The following GOSR2 variants were observed in gnomAD, a reference collection of about 807,000 sequenced individuals.
GOSR2 encodes 27 kDa Golgi SNARE protein.
In GOSR2, 20 loss-of-function variants were observed where a neutral mutation model predicts 27.9. That is an observed-to-expected ratio of 0.72 (90% CI 0.50 to 1.04). GOSR2 has a LOEUF of 1.04. Among genes scored for constraint, GOSR2 ranks in the 50% least tolerant of loss-of-function variants. The probability of loss-of-function intolerance (pLI) is 0.00; values close to 1 mark genes in which losing one functional copy is unlikely to be tolerated. For missense variants in GOSR2, 261 were observed against 270.5 expected, an observed-to-expected ratio of 0.97 and a Z score of 0.25; for synonymous variants, 91 against 98.8, an observed-to-expected ratio of 0.92 and a Z score of 0.47.
At chr17:46,943,565 A>G (rs1356403346), downstream of GOSR2, among the ~76,000 whole-genome samples, 2 of 152,202 alleles carry the variant, frequency 1.3e-5, no homozygotes, top group Non-Finnish European at 2.9e-5. Flanking sequence ...TTCCTGCGGA[A>G]TGGGAGTTGC....
At chr17:46,975,715 C>A (rs1456281224), downstream of GOSR2, among the ~76,000 whole-genome samples, 1 of 152,132 alleles carries the variant, frequency 6.6e-6, no homozygotes, top group Non-Finnish European at 1.5e-5. Context: ...CCCACGTGTG[C>A]AGACTTGTAC....
At chr17:46,937,273 A>C (rs2088556472) in intron 5 of GOSR2, 1 of 152,136 alleles carries the variant, frequency 6.6e-6, no homozygotes, top group South Asian at 2.1e-4. Flanking sequence ...CCCTCTTGTA[A>C]ATATGGACTT....
intron 6 of GOSR2, among the ~76,000 whole-genome samples, chr17:46,954,736 C>T (rs971953416): frequency 5.3e-5 from 8 of 152,174 alleles, no homozygotes; most frequent in African/African-American, 1.9e-4. Context: ...TGAAGACATC[C>T]TTCACATCCC....
chr17:46,942,213 A>G (rs1414314799), downstream of GOSR2, among the ~76,000 whole-genome samples: 3 of 152,222 alleles, frequency 2.0e-5, no homozygotes, highest in Non-Finnish European at 4.4e-5. Context: ...AAGCAAAGAA[A>G]GAAACGTCAT....
intron 1 of GOSR2, among the ~76,000 whole-genome samples, chr17:46,928,341 G>C (rs1055960048): frequency 2.0e-5 from 3 of 152,168 alleles, no homozygotes; most frequent in Non-Finnish European, 4.4e-5. Context: ...TGGGGTCCTG[G>C]TTTGCATTGC....
At chr17:46,947,773 T>G (rs570566143) in intron 6 of GOSR2, among the ~76,000 whole-genome samples, 25 of 152,200 alleles carry the variant, frequency 1.6e-4, no homozygotes, top group Non-Finnish European at 2.9e-4. Flanking sequence ...AGAAATAGTT[T>G]TTTTTTCTTT....
At chr17:46,971,211 C>T (rs1227686410), downstream of GOSR2, among the ~76,000 whole-genome samples, 1 of 151,986 alleles carries the variant, frequency 6.6e-6, no homozygotes, top group Non-Finnish European at 1.5e-5. Flanking sequence ...GTGGTGGGTG[C>T]CTGTAATCTC....
chr17:46,929,484 C>T (rs548087483), intron 1 of GOSR2, 36 bp from the exon 2 acceptor site: 27 of 1,099,960 alleles, frequency 2.5e-5, no homozygotes, highest in African/African-American at 4.6e-5. Flanking sequence ...GTTGATTACT[C>T]CTGTCTCACT....
downstream of GOSR2, chr17:46,967,086 CAG>C (rs1008404099): frequency 1.2e-5 from 2 of 160,972 alleles, no homozygotes; most frequent in African/African-American, 4.8e-5. Flanking sequence ...AATACAAACA[CAG>C]GGAAGACAGT....
intron 6 of GOSR2, among the ~76,000 whole-genome samples, chr17:46,962,992 CTG>C (rs1306767390): frequency 1.3e-5 from 2 of 152,062 alleles, no homozygotes; most frequent in Non-Finnish European, 2.9e-5. Flanking sequence ...AATGAAGAAA[CTG>C]AGGCTTGGAA....
rs529781220 is a variant in GOSR2 at position 46,934,965 on chromosome 17, G to A, written c.337-64G>A. ...GGCTTGGCCTTGGCCAAAAGACAGAGCAGTGAGACCCCAGGAACTGACTGA... is the reference window on the plus strand; with the variant it reads ...GGCTTGGCCTTGGCCAAAAGACAGAACAGTGAGACCCCAGGAACTGACTGA... On this transcript the variant is annotated intron_variant, in intron 4 of 5. Transcript: ENST00000640051. 1.6e-5 allele frequency: 23 copies of A among 1,465,244 alleles called. No homozygotes were observed. The South Asian group carries it at 1.8e-4, about 12-fold the overall frequency. The allele number at this position is 1,465,244 out of a possible 1,614,324, so 90.8% of individuals were successfully genotyped here. A position where few individuals can be genotyped will look rare whatever the true frequency, so the allele number is the denominator to read the frequency against.
chr17:46,964,799 C>G (rs1231550719), intron 6 of GOSR2: 1 of 151,918 alleles, frequency 6.6e-6, no homozygotes, highest in East Asian at 1.9e-4. Flanking sequence ...ATTAAGGGCT[C>G]CAAAATTAAA....
In GOSR2 at chr17:46,938,701, A is replaced by G. The variant is rs762761146; in HGVS notation, c.580A>G (p.Ile194Val). ...KRAFQDKYFMIGGMLLTCVVM... is the reference protein window; with the variant it reads ...KRAFQDKYFMVGGMLLTCVVM... ...GGCTTTCCAGGACAAGTACTTTATG[A>G]TAGGTGGGATGCTGCTGACCTGTGT... is the stretch of plus-strand genomic sequence containing the variant. Residue 194 changes from isoleucine (I) to valine (V), a missense_variant, in exon 6 of 6, where the codon ATA (isoleucine) becomes GTA (valine). Ile to Val is a conservative substitution (Grantham distance 29, BLOSUM62 3). Coordinates refer to ENST00000640051, the MANE Select transcript of GOSR2 (RefSeq NM_004287.5). 6.2e-7 allele frequency: 1 copy of G among 1,613,650 alleles called. No individual in the cohort carries two copies. The highest frequency in any genetic ancestry group is 1.1e-5 in the South Asian group (1 of 91,012).
intron 6 of GOSR2, among the ~76,000 whole-genome samples, chr17:46,959,678 G>A (rs1316035794): frequency 6.6e-6 from 1 of 152,178 alleles, no homozygotes; most frequent in East Asian, 1.9e-4. Flanking sequence ...ATTATGGTGG[G>A]AAAGGATTAA....
Position 46,939,602 on chromosome 17 carries a change from T to G in GOSR2, c.*842T>G. The stretch of plus-strand genomic sequence containing the variant: ...GATTTGTGATTTTCCAATTACAGTC[T>G]CAGCTCTAGTTTTAGTATCTCTAAT... On this transcript the variant is annotated 3_prime_UTR_variant, in exon 6 of 6. Coordinates refer to ENST00000640051, the MANE Select transcript of GOSR2 (RefSeq NM_004287.5). 1 of 985,598 alleles carries G rather than the reference T, an allele frequency of 1.0e-6. No homozygotes were observed. The highest frequency in any genetic ancestry group is 4.7e-5 in the South Asian group (1 of 21,286). 61.1% of individuals were successfully genotyped at this position (985,598 alleles called of 1,614,324 possible). A position where few individuals can be genotyped will look rare whatever the true frequency, so the allele number is the denominator to read the frequency against.
chr17:46,944,756 C>T (rs1345569146), downstream of GOSR2, among the ~76,000 whole-genome samples: 2 of 152,082 alleles, frequency 1.3e-5, no homozygotes, highest in Non-Finnish European at 2.9e-5. Context: ...CCCACTACCA[C>T]GCCCGGCTAA....
chr17:46,933,159 C>T (rs2087664390), intron 4 of GOSR2: 1 of 152,238 alleles, frequency 6.6e-6, no homozygotes, highest in South Asian at 2.1e-4. Context: ...AGTATTCAGG[C>T]CTTTTTTAGG....
chr17:46,947,064 TG>T (rs1211821838), intron 6 of GOSR2, among the ~76,000 whole-genome samples: 1 of 150,812 alleles, frequency 6.6e-6, no homozygotes, highest in Non-Finnish European at 1.5e-5. Context: ...GGGTTTGGAG[TG>T]GATTGTGGAA....
intron 6 of GOSR2, among the ~76,000 whole-genome samples, chr17:46,973,692 G>A (rs1293077488): frequency 3.9e-5 from 6 of 152,186 alleles, no homozygotes; most frequent in South Asian, 4.1e-4. Context: ...TGGACACCCC[G>A]TGTATCTGCT....
Sources: gnomAD v4.1 joint callset for allele counts (sites outside exome capture counted in the v4.1 genomes callset) on GRCh38, gnomAD v4.1.1 for gene constraint, MANE v1.5 for transcripts, NCBI Gene and HGNC (gene_info 2026-07-23, HGNC 2026-07-21) for gene names.